Variants in ENOX1 observed in about 807,000 individuals in gnomAD.
ENOX1 encodes the protein ecto-NOX disulfide-thiol exchanger 1, also known as candidate growth-related and time keeping constitutive hydroquinone (NADH) oxidase.
ENOX1 carries 42 observed loss-of-function variants against 82.5 expected under a neutral mutation model. The observed-to-expected ratio is 0.51, with a 90% CI of 0.40 to 0.66. The LOEUF is 0.66. Among genes scored for constraint, ENOX1 ranks in the 30% least tolerant of loss-of-function variants. The pLI is 0.00. For synonymous variants in ENOX1, 271 were observed against 282.2 expected (o/e 0.96, Z 0.40); for missense variants, 608 against 811.6 (o/e 0.75, Z 3.05).
chr13:43,624,637 T>C (rs1473727498), intron 2 of ENOX1, among the ~76,000 whole-genome samples: 1 of 152,130 alleles, frequency 6.6e-6, no homozygotes, highest in Non-Finnish European at 1.5e-5. Context: ...GAACCATTTA[T>C]TTAAAGAGCA....
chr13:43,697,506 C>T (rs2086699930), intron 1 of ENOX1, among the ~76,000 whole-genome samples: 3 of 152,120 alleles, frequency 2.0e-5, no homozygotes, highest in Admixed American at 1.3e-4. Context: ...CTTAATCAGG[C>T]CAGAGCTGAT....
chr13:43,370,799 C>CT (rs963147783), intron 5 of ENOX1, among the ~76,000 whole-genome samples: 1 of 152,154 alleles, frequency 6.6e-6, no homozygotes, highest in Non-Finnish European at 1.5e-5. Flanking sequence ...ATATCATTGT[C>CT]TTTTTTGTTC....
At chr13:43,298,927 T>C (rs1285550847) in intron 11 of ENOX1, among the ~76,000 whole-genome samples, 1 of 152,220 alleles carries the variant, frequency 6.6e-6, no homozygotes, top group Non-Finnish European at 1.5e-5. Context: ...ATTGCTTAGC[T>C]ACTTGGAGGG....
chr13:43,651,540 T>C (rs1165191865), intron 2 of ENOX1, among the ~76,000 whole-genome samples: 1 of 147,034 alleles, frequency 6.8e-6, no homozygotes, highest in Non-Finnish European at 1.5e-5. Context: ...TACTGAAAAA[T>C]ACAAAAATTA....
chr13:43,419,678 C>T (rs557741125), intron 3 of ENOX1, among the ~76,000 whole-genome samples: 1 of 152,246 alleles, frequency 6.6e-6, no homozygotes, highest in Admixed American at 6.5e-5. Context: ...GTCTTGTAAA[C>T]AGTTGATACC....
chr13:43,322,881 A>G (rs979496628), intron 10 of ENOX1, among the ~76,000 whole-genome samples: 4 of 152,238 alleles, frequency 2.6e-5, no homozygotes, highest in African/African-American at 4.8e-5. Flanking sequence ...TAAGAACATG[A>G]ACAGTGGAAT....
intron 1 of ENOX1, among the ~76,000 whole-genome samples, chr13:43,709,526 C>A: frequency 6.7e-6 from 1 of 149,960 alleles, no homozygotes; most frequent in South Asian, 2.1e-4. Flanking sequence ...AATTGAAACA[C>A]AAAAAAGGGA....
At chr13:43,423,799 A>G (rs1490315498) in intron 3 of ENOX1, among the ~76,000 whole-genome samples, 1 of 152,236 alleles carries the variant, frequency 6.6e-6, no homozygotes, top group African/African-American at 2.4e-5. Flanking sequence ...AACTAAGGAC[A>G]TATCAGATAA....
chr13:43,247,883 A>ATATATATTTTT (rs1566330073), intron 14 of ENOX1, among the ~76,000 whole-genome samples: 1 of 14,648 alleles, frequency 6.8e-5, no homozygotes, highest in Non-Finnish European at 1.8e-4. Context: ...ATATATATAT[A>ATATATATTTTT]TTTTTTTTTT....
chr13:43,511,412 G>A (rs1400392266), intron 2 of ENOX1, among the ~76,000 whole-genome samples: 1 of 152,104 alleles, frequency 6.6e-6, no homozygotes, highest in African/African-American at 2.4e-5. Context: ...AGTTCATGCA[G>A]TTACATTTAC....
In ENOX1 at chr13:43,318,681, T is replaced by C. The variant is rs184986107; in HGVS notation, c.1261+3703A>G. On this transcript the variant is annotated intron_variant, in intron 11 of 16. Transcript: ENST00000690772. ...AGATCAGAAGAAGGGGAATATGAAT[T>C]GAAGTCCACAGACTTTTATTGATTA... 2.7e-3 allele frequency among the ~76,000 whole-genome samples: 407 copies of C among 152,346 alleles called. 7 individuals carry two copies. Among genetic ancestry groups the C allele is most frequent in the Non-Finnish European group, 3.1e-3 (212 of 68,042 alleles).
chr13:43,389,479 T>A (rs2052633279), intron 5 of ENOX1, among the ~76,000 whole-genome samples: 1 of 152,200 alleles, frequency 6.6e-6, no homozygotes, highest in Non-Finnish European at 1.5e-5. Flanking sequence ...AAATATGCAT[T>A]CCTCTGAATC....
intron 2 of ENOX1, among the ~76,000 whole-genome samples, chr13:43,523,792 G>A (rs988949747): frequency 1.3e-5 from 2 of 151,990 alleles, no homozygotes; most frequent in Admixed American, 6.6e-5. Context: ...GAGAAGGTAG[G>A]TCTAACCATT....
chr13:43,572,628 A>G (rs1421370886), intron 2 of ENOX1, among the ~76,000 whole-genome samples: 1 of 152,228 alleles, frequency 6.6e-6, no homozygotes, highest in Non-Finnish European at 1.5e-5. Context: ...TCTTGCACTG[A>G]ATTCTTTCAC....
chr13:43,309,437 T>C (rs1215974789), intron 11 of ENOX1, among the ~76,000 whole-genome samples: 18 of 152,152 alleles, frequency 1.2e-4, no homozygotes, highest in Non-Finnish European at 2.5e-4. Context: ...ACCACCCAGA[T>C]GAGCCTCTCT....
At chr13:43,476,466 A>C (rs1392479144) in intron 3 of ENOX1, among the ~76,000 whole-genome samples, 3 of 152,204 alleles carry the variant, frequency 2.0e-5, no homozygotes, top group Non-Finnish European at 2.9e-5. Context: ...AAAAGGCCTC[A>C]AAAACTAGCT....
chr13:43,691,399 A>C (rs1320768647), intron 1 of ENOX1, among the ~76,000 whole-genome samples: 1 of 152,062 alleles, frequency 6.6e-6, no homozygotes, highest in African/African-American at 2.4e-5. Context: ...ATGAAAAGAA[A>C]AAAAAAAACT....
intron 2 of ENOX1, among the ~76,000 whole-genome samples, chr13:43,484,457 T>C (rs1273854984): frequency 6.6e-6 from 1 of 152,192 alleles, no homozygotes; most frequent in Non-Finnish European, 1.5e-5. Context: ...CAGTATTTAC[T>C]GAGTGTCTAC....
intron 2 of ENOX1, among the ~76,000 whole-genome samples, chr13:43,605,890 T>C (rs1273140341): frequency 6.6e-6 from 1 of 151,992 alleles, no homozygotes; most frequent in African/African-American, 2.4e-5. Context: ...TGGGAGAAAA[T>C]ATTTGCAAAC....
Sources: gnomAD v4.1 joint callset for allele counts (sites outside exome capture counted in the v4.1 genomes callset) on GRCh38, gnomAD v4.1.1 for gene constraint, MANE v1.5 for transcripts, NCBI Gene and HGNC (gene_info 2026-07-23, HGNC 2026-07-21) for gene names.